ZDHHC11: variants seen among roughly 807,000 people sequenced by gnomAD.
ZDHHC11 encodes the protein zDHHC palmitoyltransferase 11.
ZDHHC11 carries 44 observed loss-of-function variants against 51.3 expected under a neutral mutation model. The observed-to-expected ratio is 0.86, with a 90% confidence interval of 0.67 to 1.10. The LOEUF is 1.10. Among genes scored for constraint, ZDHHC11 ranks in the 50% least tolerant of loss-of-function variants. The pLI, the probability that ZDHHC11 is intolerant of heterozygous loss-of-function variation, is 0.00. For synonymous variants in ZDHHC11, 163 were observed against 222.0 expected, an observed-to-expected ratio of 0.73 and a Z score of 2.36; for missense variants, 400 against 537.7, an observed-to-expected ratio of 0.74 and a Z score of 2.53.
intron 11 of ZDHHC11, among the ~76,000 whole-genome samples, chr5:807,499 T>A (rs1739442635): frequency 6.6e-6 from 1 of 151,402 alleles, no homozygotes; most frequent in South Asian, 2.1e-4. Context: ...ACGGAGTCAA[T>A]GAAGGAAGCA....
chr5:839,010 C>T (rs1744353279), intron 5 of ZDHHC11, among the ~76,000 whole-genome samples: 1 of 136,040 alleles, frequency 7.4e-6, no homozygotes, highest in Non-Finnish European at 1.6e-5. Flanking sequence ...GGCCTCGGCC[C>T]AACCTCGGCC....
At chr5:807,831 C>T (rs1191166719) in intron 11 of ZDHHC11, among the ~76,000 whole-genome samples, 10 of 151,286 alleles carry the variant, frequency 6.6e-5, no homozygotes, top group South Asian at 2.1e-4. Context: ...ATGCAGGTTA[C>T]GGTGCCAATT....
At chr5:849,287 C>G (rs1746779564) in intron 1 of ZDHHC11, among the ~76,000 whole-genome samples, 1 of 152,162 alleles carries the variant, frequency 6.6e-6, no homozygotes, top group Non-Finnish European at 1.5e-5. Flanking sequence ...CCCCCAGAGG[C>G]TCAGTCAGCC....
Position 833,141 on chromosome 5 carries a change from G to A in ZDHHC11, c.935+632C>T, listed in dbSNP as rs532413160. On this transcript the variant is annotated intron_variant, in intron 7 of 12. Transcript: ENST00000283441. ...GTTAGTATCTCATAGTGAGAAGAGC[G>A]ACAGCGTTGAATGAAGTGTGAACTG... 2.3e-4 allele frequency among the ~76,000 whole-genome samples: 35 copies of A among 152,368 alleles called. 1 individual carries two copies. The highest frequency in any genetic ancestry group is 6.5e-4 in the African/African-American group (27 of 41,584).
intron 4 of ZDHHC11, chr5:842,177 G>A (rs1745100656): frequency 7.1e-6 from 7 of 985,996 alleles, no homozygotes; most frequent in Non-Finnish European, 8.4e-6. Flanking sequence ...GAAGCAGCAT[G>A]TTCCAGGAGA....
In ZDHHC11 at chr5:850,404, C is replaced by A. The variant is rs768620537; in HGVS notation, c.199G>T (p.Ala67Ser). The A allele has an allele frequency of 2.7e-5, 43 of 1,613,474 alleles. No homozygotes were observed. Among genetic ancestry groups the A allele is most frequent in the Non-Finnish European group, 3.6e-5 (42 of 1,180,012 alleles). The part of the protein sequence containing the change: ...FGIFIPFLPH[A>S]WKYIAYVVTG... ...ACCACGTAGGCAATGTATTTCCACG[C>A]GTGAGGCAGGAAGGGAATGAAGATC... The change falls in exon 1 of 13, where the codon GCG becomes TCG. Residue 67 changes from alanine to serine, a missense_variant. Around this residue, in one of 5 missense-constraint regions of ZDHHC11, gnomAD observed 119 missense variants for 99.6 expected, o/e 1.20. Transcript: ENST00000283441.
At chr5:802,351 A>T (rs1378007873) in intron 11 of ZDHHC11, among the ~76,000 whole-genome samples, 6 of 151,450 alleles carry the variant, frequency 4.0e-5, no homozygotes, top group African/African-American at 9.7e-5. Context: ...TCACCAAACG[A>T]ATCCAAAAAT....
At chr5:809,020 C>T (rs1166608108) in intron 11 of ZDHHC11, among the ~76,000 whole-genome samples, 3 of 142,312 alleles carry the variant, frequency 2.1e-5, no homozygotes, top group African/African-American at 7.6e-5. Context: ...CACACGCACA[C>T]TATTTATTCC....
intron 10 of ZDHHC11, among the ~76,000 whole-genome samples, chr5:815,706 C>T (rs1447067743): frequency 1.3e-5 from 2 of 151,628 alleles, no homozygotes; most frequent in Non-Finnish European, 1.5e-5. Flanking sequence ...GTGGCATCAT[C>T]TTTCATCCCC....
intron 1 of ZDHHC11, among the ~76,000 whole-genome samples, chr5:856,451 ACAC>A (rs557148000): frequency 1.0e-3 from 150 of 150,434 alleles, no homozygotes; most frequent in African/African-American, 1.5e-3. Context: ...TACAGATTAC[ACAC>A]CACACCACAC....
At chr5:860,507 C>T (rs1748738923), upstream of ZDHHC11, among the ~76,000 whole-genome samples, 1 of 151,962 alleles carries the variant, frequency 6.6e-6, no homozygotes, top group Non-Finnish European at 1.5e-5. This position sits in a 1 kb window ranked among gnomAD's most constrained non-coding sequence, Gnocchi z 4.2. Context: ...ACCTGCACAC[C>T]CAGTCTCAGT....
At chr5:836,407 G>T (rs1171087024) in intron 6 of ZDHHC11, among the ~76,000 whole-genome samples, 1 of 150,286 alleles carries the variant, frequency 6.7e-6, no homozygotes, top group African/African-American at 2.5e-5. Flanking sequence ...TGCTCGATTT[G>T]GTTTCCCAAG....
At position 795,949 on chromosome 5, in the gene ZDHHC11, T is replaced by TTAGTACTGTATGCCCATTTCC. The variant is rs1737511455; in HGVS notation, c.*638_*639insGGAAATGGGCATACAGTACTA. On this transcript the variant is annotated 3_prime_UTR_variant, in exon 13 of 13. Coordinates refer to ENST00000283441, the MANE Select transcript of ZDHHC11 (RefSeq NM_024786.3). ...TCCCAGTACTGTGTGCTCCCATTTC[T>TTAGTACTGTATGCCCATTTCC]CAGTACTGTATGCCCATTTCCCAGT... 1 of 135,842 alleles carries TTAGTACTGTATGCCCATTTCC rather than the reference T, an allele frequency of 7.4e-6. No individual in the cohort carries two copies. The highest frequency in any genetic ancestry group is 1.6e-5 in the Non-Finnish European group (1 of 61,178). The allele number at this position is 135,842 out of a possible 1,614,324, so 8.4% of individuals were successfully genotyped here.
intron 11 of ZDHHC11, among the ~76,000 whole-genome samples, chr5:801,749 C>T (rs139225236): frequency 4.0e-5 from 6 of 151,328 alleles, no homozygotes; most frequent in East Asian, 3.9e-4. Context: ...TAACTTGCAA[C>T]GCTGAATGTG....
intron 11 of ZDHHC11, among the ~76,000 whole-genome samples, chr5:804,778 G>A (rs1324835192): frequency 6.6e-6 from 1 of 151,150 alleles, no homozygotes; most frequent in Non-Finnish European, 1.5e-5. Context: ...CCAGAATAAA[G>A]CAATAACTAA....
intron 7 of ZDHHC11, among the ~76,000 whole-genome samples, chr5:828,185 C>T (rs1742554032): frequency 6.6e-6 from 1 of 151,518 alleles, no homozygotes. Context: ...TTTTCCCCAC[C>T]TTTCCCCCTT....
chr5:798,282 T>A (rs1201979530), intron 12 of ZDHHC11, among the ~76,000 whole-genome samples: 1 of 151,188 alleles, frequency 6.6e-6, no homozygotes, highest in South Asian at 2.1e-4. Context: ...CCAGCTGCAC[T>A]CCCCACTAGA....
At chr5:853,155 GC>G, upstream of ZDHHC11, among the ~76,000 whole-genome samples, 1 of 149,722 alleles carries the variant, frequency 6.7e-6, no homozygotes, top group Admixed American at 6.7e-5. Flanking sequence ...AGGACAGCGA[GC>G]CAGGGAGACA....
intron 9 of ZDHHC11, among the ~76,000 whole-genome samples, chr5:820,114 G>T (rs1741377336): frequency 6.6e-6 from 1 of 151,276 alleles, no homozygotes; most frequent in Admixed American, 6.6e-5. Flanking sequence ...CTTTTGTTTT[G>T]GTTTTAGAGA....
Sources: allele counts gnomAD v4.1 joint callset (sites outside exome capture counted in the v4.1 genomes callset), GRCh38; gene constraint gnomAD v4.1.1; regional missense constraint gnomAD v4.1.1; non-coding constraint Gnocchi (gnomAD v3.1); transcripts MANE v1.5; gene names NCBI Gene and HGNC (gene_info 2026-07-23, HGNC 2026-07-21).